Variants in GNA13 observed in about 807,000 individuals in gnomAD.
The protein encoded by GNA13 is G protein subunit alpha 13.
In GNA13, 4 loss-of-function variants were observed where a neutral mutation model predicts 33.5. That is an observed-to-expected ratio of 0.12 (90% CI 0.06 to 0.27). The LOEUF (loss-of-function observed/expected upper bound fraction) is 0.27. Ranked by LOEUF, GNA13 falls within the 10% of genes least tolerant of loss-of-function variation. The pLI, the probability that GNA13 is intolerant of heterozygous loss-of-function variation, is 1.00. For missense variants in GNA13, 319 were observed against 487.2 expected (o/e 0.65, Z 3.25); for synonymous variants, 176 against 183.8 (o/e 0.96, Z 0.34).
chr17:65,040,402 T>G (rs575510973), intron 2 of GNA13, among the ~76,000 whole-genome samples: 2 of 152,336 alleles, frequency 1.3e-5, no homozygotes, highest in South Asian at 4.1e-4. Context: ...AGCAAATCAT[T>G]TGTATTATAA....
At chr17:65,019,472 G>T (rs1906505284) in intron 2 of GNA13, among the ~76,000 whole-genome samples, 1 of 152,128 alleles carries the variant, frequency 6.6e-6, no homozygotes, top group African/African-American at 2.4e-5. Flanking sequence ...ATACAGAATG[G>T]TGTCCTATTT....
chr17:65,041,508 A>AT (rs1324388978), intron 2 of GNA13, among the ~76,000 whole-genome samples: 3 of 152,240 alleles, frequency 2.0e-5, no homozygotes, highest in Middle Eastern at 3.4e-3. Context: ...TCTAAAAAAA[A>AT]AAATATATAT....
intron 2 of GNA13, among the ~76,000 whole-genome samples, chr17:65,039,912 A>G (rs1255019444): frequency 3.9e-5 from 6 of 152,216 alleles, no homozygotes; most frequent in African/African-American, 1.4e-4. Flanking sequence ...GACCTGTTTC[A>G]GAATAACACA....
chr17:65,056,311 C>T lies in GNA13; in HGVS notation c.283G>A (p.Gly95Ser). The change falls in exon 1 of 4, where the codon GGT becomes AGT. Residue 95 changes from glycine to serine, a missense_variant and splice_region_variant. Gly to Ser is a moderately conservative substitution (Grantham distance 56). This residue lies in a region of GNA13 where 136 missense variants were observed against 159.3 expected (regional missense o/e 0.85). Coordinates refer to ENST00000439174, the MANE Select transcript of GNA13 (RefSeq NM_006572.6). ...CCGGCCCCCATTCCCGGCCCGGCAC[C>T]TTTGATCACGTTGCTGTAGATGGTG... ...RPTIYSNVIK[G>S]MRVLVDAREK... The T allele has an allele frequency of 6.2e-7, 1 of 1,606,766 alleles. No homozygotes were observed. The highest frequency in any genetic ancestry group is 8.5e-7 in the Non-Finnish European group (1 of 1,179,126).
chr17:65,021,152 G>A (rs1488904315), intron 2 of GNA13, among the ~76,000 whole-genome samples: 1 of 152,110 alleles, frequency 6.6e-6, no homozygotes, highest in African/African-American at 2.4e-5. Context: ...TTAGCCTTGT[G>A]GATATTTCAG....
At chr17:65,037,793 A>AAAAAAAAAAAAAAAC (rs1313729487) in intron 2 of GNA13, among the ~76,000 whole-genome samples, 30 of 150,008 alleles carry the variant, frequency 2.0e-4, no homozygotes, top group Non-Finnish European at 3.0e-4. Flanking sequence ...AAAAAAAAAA[A>AAAAAAAAAAAAAAAC]AAAAAAAGAC....
At chr17:65,055,749 A>C (rs1231759633) in intron 1 of GNA13, 2 of 985,452 alleles carry the variant, frequency 2.0e-6, no homozygotes, top group South Asian at 4.7e-5. Flanking sequence ...CTTGACAAGA[A>C]GTCTCGGGCA....
In GNA13 at chr17:65,042,068, T is replaced by C. The variant is rs116510395; in HGVS notation, c.510+11434A>G. ...TGTTTAAAAAGGTACTGTGAAAAAA[T>C]GAAGAACCAGCCAGCCGCGGTGGCT... On this transcript the variant is annotated intron_variant, in intron 2 of 3. Coordinates refer to ENST00000439174, the MANE Select transcript of GNA13 (RefSeq NM_006572.6). Among the ~76,000 whole-genome samples, 858 of 152,104 alleles carry C rather than the reference T, an allele frequency of 5.6e-3. 8 individuals carry two copies. The highest frequency in any genetic ancestry group is 0.02 in the African/African-American group (823 of 41,482).
intron 1 of GNA13, chr17:65,055,492 T>G: frequency 2.5e-6 from 1 of 396,460 alleles, no homozygotes; most frequent in Non-Finnish European, 3.4e-6. Context: ...CTACATTTCA[T>G]CTAAATAGAA....
At chr17:65,041,643 G>A (rs939174469) in intron 2 of GNA13, among the ~76,000 whole-genome samples, 6 of 152,114 alleles carry the variant, frequency 3.9e-5, no homozygotes, top group Admixed American at 6.5e-5. Flanking sequence ...GAAAGAGTAC[G>A]TCTGTGTGTG....
intron 2 of GNA13, among the ~76,000 whole-genome samples, chr17:65,029,868 G>A (rs1401284934): frequency 8.6e-5 from 13 of 151,666 alleles, no homozygotes; most frequent in Non-Finnish European, 1.5e-5. Context: ...TGAACGGGAA[G>A]GTTTTTTTTT....
chr17:65,034,012 CAA>C (rs780895691), intron 2 of GNA13, among the ~76,000 whole-genome samples: 4 of 50,080 alleles, frequency 8.0e-5, no homozygotes, highest in African/African-American at 3.8e-4. Context: ...GACTCCGTCT[CAA>C]AAAAAAAAAA....
At chr17:65,029,995 ACT>A (rs2143793891) in intron 2 of GNA13, among the ~76,000 whole-genome samples, 1 of 152,200 alleles carries the variant, frequency 6.6e-6, no homozygotes, top group East Asian at 1.9e-4. Context: ...AAAGTGCGTG[ACT>A]CTTTTCAGTA....
chr17:65,032,308 TTCTCTCTCG>T (rs1376183459), intron 2 of GNA13, among the ~76,000 whole-genome samples: 1 of 152,172 alleles, frequency 6.6e-6, no homozygotes, highest in Non-Finnish European at 1.5e-5. Flanking sequence ...TATCTGTCCT[TTCTCTCTCG>T]TCTCTCCACA....
At chr17:65,046,170 T>C (rs1907654187) in intron 2 of GNA13, among the ~76,000 whole-genome samples, 1 of 152,338 alleles carries the variant, frequency 6.6e-6, no homozygotes, top group East Asian at 1.9e-4. Context: ...CACTATATGA[T>C]CATGAATGTG....
chr17:65,016,387 A>G (rs894529927), intron 3 of GNA13, among the ~76,000 whole-genome samples: 5 of 151,970 alleles, frequency 3.3e-5, no homozygotes, highest in African/African-American at 4.8e-5. Flanking sequence ...TTTGAGATGG[A>G]GTCTTGCTCT....
chr17:65,019,071 T>C (rs969641631), intron 2 of GNA13, among the ~76,000 whole-genome samples: 7 of 152,114 alleles, frequency 4.6e-5, no homozygotes, highest in Non-Finnish European at 8.8e-5. Flanking sequence ...GCTGCAGCAT[T>C]GTCCCTGCCT....
At chr17:65,032,305 CCTTT>C (rs1907079760) in intron 2 of GNA13, among the ~76,000 whole-genome samples, 1 of 152,154 alleles carries the variant, frequency 6.6e-6, no homozygotes, top group South Asian at 2.1e-4. Context: ...CCCTATCTGT[CCTTT>C]CTCTCTCGTC....
rs1906157728 is a variant in GNA13, at chr17:65,010,680, C to T, written c.*3577G>A. The stretch of plus-strand genomic sequence containing the variant: ...AGCAAAACTTCTGGTCTTAATTTCT[C>T]AAATAAAACTAAAATAAATGAAATG... On this transcript the variant is annotated 3_prime_UTR_variant, in exon 4 of 4. Transcript: ENST00000439174. The T allele has an allele frequency of 9.8e-6, 2 of 204,990 alleles. No homozygotes were observed. The highest frequency in any genetic ancestry group is 6.0e-5 in the Admixed American group (1 of 16,806). The allele number at this position is 204,990 out of a possible 1,614,324, so 12.7% of individuals were successfully genotyped here. A position where few individuals can be genotyped will look rare whatever the true frequency, so the allele number is the denominator to read the frequency against.
Sources: gnomAD v4.1 joint callset for allele counts (sites outside exome capture counted in the v4.1 genomes callset) on GRCh38, gnomAD v4.1.1 for gene constraint, gnomAD v4.1.1 regional missense constraint, MANE v1.5 for transcripts, NCBI Gene and HGNC (gene_info 2026-07-23, HGNC 2026-07-21) for gene names.